EPHA3: variants seen among roughly 807,000 people sequenced by gnomAD.
EPHA3 encodes EPH receptor A3, also known as ephrin type-A receptor 3.
EPHA3 carries 42 observed loss-of-function variants against 107.1 expected under a neutral mutation model. The ratio of observed to expected loss-of-function variants is 0.39; its 90% confidence interval spans 0.31 to 0.51. The LOEUF (loss-of-function observed/expected upper bound fraction) is 0.51, where lower values mean the gene tolerates loss of function less well. Among genes scored for constraint, EPHA3 ranks in the 20% least tolerant of loss-of-function variants. The probability of loss-of-function intolerance (pLI) is 0.78; values close to 1 mark genes in which losing one functional copy is unlikely to be tolerated. For missense variants in EPHA3, 1,183 were observed against 1,211.2 expected (o/e 0.98, Z 0.35); for synonymous variants, 461 against 424.8 (o/e 1.09, Z -1.05).
chr3:89,133,434 C>G (rs549415466), intron 2 of EPHA3, among the ~76,000 whole-genome samples: 2 of 152,108 alleles, frequency 1.3e-5, no homozygotes, highest in Admixed American at 1.3e-4. Flanking sequence ...TTTTTGTCAA[C>G]GAGAAATAAG....
chr3:89,185,519 A>G (rs979798026), intron 2 of EPHA3, among the ~76,000 whole-genome samples: 34 of 152,234 alleles, frequency 2.2e-4, no homozygotes, highest in African/African-American at 8.2e-4. Context: ...CAATTTTCTT[A>G]CTTGTTCAAT....
intron 2 of EPHA3, among the ~76,000 whole-genome samples, chr3:89,147,235 C>A (rs377040017): frequency 6.6e-6 from 1 of 151,390 alleles, no homozygotes; most frequent in Non-Finnish European, 1.5e-5. Flanking sequence ...CTAATGCATG[C>A]GGGGCTTAAA....
chr3:89,368,881 T>C (rs1432185676), intron 5 of EPHA3, among the ~76,000 whole-genome samples: 2 of 150,572 alleles, frequency 1.3e-5, no homozygotes, highest in African/African-American at 2.4e-5. Context: ...CCCAGTCAAA[T>C]TGACACATAA....
At chr3:89,234,975 C>T (rs1298742596) in intron 3 of EPHA3, among the ~76,000 whole-genome samples, 3 of 141,058 alleles carry the variant, frequency 2.1e-5, no homozygotes, top group Non-Finnish European at 4.6e-5. Context: ...CTCCTTCCTT[C>T]CTTCCCTCCT....
chr3:89,237,319 C>T (rs970833233), intron 3 of EPHA3, among the ~76,000 whole-genome samples: 3 of 152,132 alleles, frequency 2.0e-5, no homozygotes, highest in African/African-American at 4.8e-5. Flanking sequence ...TGCAATGAGC[C>T]GAGATGGTGC....
At position 89,411,195 on chromosome 3, in the gene EPHA3, CT is replaced by C. The variant is rs1314203835; in HGVS notation, c.1763-1940del. 9.3e-5 allele frequency among the ~76,000 whole-genome samples: 14 copies of C among 150,948 alleles called. No individual in the cohort carries two copies. The East Asian group carries it at 2.3e-3, about 25-fold the overall frequency. ...TTTTTTTCTCAGAGCCCTAGCTTGT[CT>C]TTTTTGCCAAGATATTCAAGATGAA... On this transcript the variant is annotated intron_variant, in intron 9 of 16. Transcript: ENST00000336596.
chr3:89,113,138 C>A (rs1707154188), intron 1 of EPHA3, among the ~76,000 whole-genome samples: 1 of 152,022 alleles, frequency 6.6e-6, no homozygotes. Context: ...GTGAAACATT[C>A]ATTATATTAT....
chr3:89,468,255 AT>A (rs35497321), intron 15 of EPHA3, among the ~76,000 whole-genome samples: 1 of 150,536 alleles, frequency 6.6e-6, no homozygotes. Context: ...AAATTAGGTC[AT>A]TTTTTTTTGT....
At chr3:89,153,753 G>A (rs1387517442) in intron 2 of EPHA3, among the ~76,000 whole-genome samples, 1 of 152,042 alleles carries the variant, frequency 6.6e-6, no homozygotes, top group African/African-American at 2.4e-5. Flanking sequence ...GTTCATCATA[G>A]AATGATCCTG....
chr3:89,136,697 C>T (rs1211764984), intron 2 of EPHA3, among the ~76,000 whole-genome samples: 1 of 151,674 alleles, frequency 6.6e-6, no homozygotes, highest in African/African-American at 2.4e-5. Flanking sequence ...GGTTTTATTT[C>T]CTCCAGCTTT....
Position 89,315,195 on chromosome 3 carries a change from T to A in EPHA3, c.815-25721T>A, listed in dbSNP as rs193215602. 1.1e-3 allele frequency among the ~76,000 whole-genome samples: 166 copies of A among 152,008 alleles called. 1 individual carries two copies. Among genetic ancestry groups the A allele is most frequent in the African/African-American group, 3.8e-3 (159 of 41,520 alleles). On this transcript the variant is annotated intron_variant, in intron 3 of 16. Coordinates refer to ENST00000336596, the MANE Select transcript of EPHA3 (RefSeq NM_005233.6). Reference sequence around the variant, plus strand: ...ATTACATATATGTCATATATATTTTTTATATATATGGTTTGTGTGTATACA... The same window carrying A: ...ATTACATATATGTCATATATATTTTATATATATATGGTTTGTGTGTATACA...
At chr3:89,412,406 C>A (rs187663497) in intron 9 of EPHA3, among the ~76,000 whole-genome samples, 32 of 151,482 alleles carry the variant, frequency 2.1e-4, no homozygotes, top group African/African-American at 7.7e-4. Flanking sequence ...CTCCTTAGCG[C>A]CATTATTCAA....
At chr3:89,453,307 G>A (rs759871588) in intron 15 of EPHA3, among the ~76,000 whole-genome samples, 59 of 152,246 alleles carry the variant, frequency 3.9e-4, no homozygotes, top group Non-Finnish European at 2.5e-4. Flanking sequence ...TCTAATACCA[G>A]TTTCACAGAG....
intron 13 of EPHA3, among the ~76,000 whole-genome samples, chr3:89,442,216 AG>A (rs1476369063): frequency 1.3e-5 from 2 of 152,142 alleles, no homozygotes; most frequent in African/African-American, 4.8e-5. Flanking sequence ...AAATTCCAGA[AG>A]GGATATTATT....
intron 2 of EPHA3, among the ~76,000 whole-genome samples, chr3:89,203,840 A>C (rs940315618): frequency 6.6e-6 from 1 of 152,104 alleles, no homozygotes; most frequent in Non-Finnish European, 1.5e-5. Flanking sequence ...CTCCTAGAAG[A>C]GTGGAGCTGA....
intron 3 of EPHA3, among the ~76,000 whole-genome samples, chr3:89,263,191 G>A (rs1224419954): frequency 6.6e-6 from 1 of 151,802 alleles, no homozygotes; most frequent in Non-Finnish European, 1.5e-5. Flanking sequence ...TCTCACATGT[G>A]AGAGCATGTG....
At chr3:89,398,571 A>G (rs1708894262) in intron 6 of EPHA3, among the ~76,000 whole-genome samples, 3 of 152,170 alleles carry the variant, frequency 2.0e-5, no homozygotes, top group Admixed American at 2.0e-4. Context: ...TTTATGTTTA[A>G]TATTTTAAGG....
intron 15 of EPHA3, among the ~76,000 whole-genome samples, chr3:89,458,638 C>T (rs1710150074): frequency 6.6e-6 from 1 of 152,182 alleles, no homozygotes; most frequent in Non-Finnish European, 1.5e-5. Flanking sequence ...CGCCCACCAA[C>T]AGTGTAAAAG....
intron 7 of EPHA3, among the ~76,000 whole-genome samples, chr3:89,400,699 C>T (rs1478609630): frequency 6.6e-6 from 1 of 151,694 alleles, no homozygotes; most frequent in Non-Finnish European, 1.5e-5. Flanking sequence ...GCTAATATAT[C>T]CCACACTGGT....
Sources: gnomAD v4.1 joint callset for allele counts (sites outside exome capture counted in the v4.1 genomes callset) on GRCh38, gnomAD v4.1.1 for gene constraint, MANE v1.5 for transcripts, NCBI Gene and HGNC (gene_info 2026-07-23, HGNC 2026-07-21) for gene names.